NCAPG2: variants seen among roughly 807,000 people sequenced by gnomAD.
The protein encoded by NCAPG2 is condensin-2 complex subunit G2.
In NCAPG2, 53 loss-of-function variants were observed where a neutral mutation model predicts 141.1. The observed-to-expected ratio is 0.38, with a 90% CI of 0.30 to 0.47. The LOEUF (loss-of-function observed/expected upper bound fraction) is 0.47, where lower values mean the gene tolerates loss of function less well. Among genes scored for constraint, NCAPG2 ranks in the 20% least tolerant of loss-of-function variants. The pLI is 0.99. For synonymous variants in NCAPG2, 499 were observed against 490.7 expected (o/e 1.02, Z -0.22); for missense variants, 1,087 against 1,389.0 (o/e 0.78, Z 3.46).
At position 158,697,557 on chromosome 7, in the gene NCAPG2, C is replaced by T. The variant is rs553563400; in HGVS notation, c.79-4060G>A. ...CGGAGGTTGCAGTGAGCCAAGACGA[C>T]GCCACTGCACTCCAGCCTGAGCAAC... On this transcript the variant is annotated intron_variant, in intron 2 of 27. Coordinates refer to ENST00000356309, the MANE Select transcript of NCAPG2 (RefSeq NM_017760.7). Among the ~76,000 whole-genome samples the T allele has an allele frequency of 5.3e-5, 8 of 150,472 alleles. No homozygotes were observed. In the East Asian group the frequency reaches 1.2e-3, roughly 22 times the overall value.
chr7:158,666,705 T>A (rs1216240856), intron 13 of NCAPG2, among the ~76,000 whole-genome samples: 4 of 151,424 alleles, frequency 2.6e-5, no homozygotes, highest in Non-Finnish European at 5.9e-5. Context: ...GGCAGGAGGA[T>A]CGCTTGAGGC....
At chr7:158,649,646 C>T (rs562011318) in intron 24 of NCAPG2, among the ~76,000 whole-genome samples, 51 of 152,176 alleles carry the variant, frequency 3.4e-4, no homozygotes, top group African/African-American at 1.2e-3. Context: ...TTAAGGAAGG[C>T]CTTAAATTCT....
In NCAPG2 at chr7:158,648,434, G is replaced by C. The variant is rs148890557; in HGVS notation, c.3076-1871C>G. Among the ~76,000 whole-genome samples, 285 of 150,100 alleles carry C rather than the reference G, an allele frequency of 1.9e-3. 1 individual carries two copies. Among genetic ancestry groups the C allele is most frequent in the Non-Finnish European group, 3.2e-3 (214 of 67,324 alleles). ...GACTAACAGAACAGACAGACTGATA[G>C]AAAAGAAACAACATTAACTTAAACC... On this transcript the variant is annotated intron_variant, in intron 24 of 27. Coordinates refer to ENST00000356309, the MANE Select transcript of NCAPG2 (RefSeq NM_017760.7).
intron 7 of NCAPG2, among the ~76,000 whole-genome samples, chr7:158,686,460 T>C (rs1834762215): frequency 6.6e-6 from 1 of 152,200 alleles, no homozygotes; most frequent in Admixed American, 6.5e-5. Flanking sequence ...ATTTCATCCT[T>C]CTCAGTCAAG....
At chr7:158,667,379 C>G (rs1425604784) in intron 13 of NCAPG2, 2 of 146,700 alleles carry the variant, frequency 1.4e-5, no homozygotes, top group Non-Finnish European at 1.8e-5. Context: ...TCCGCCCCCC[C>G]TTACCCACTA....
At chr7:158,691,624 T>C (rs1317369559) in intron 4 of NCAPG2, among the ~76,000 whole-genome samples, 3 of 152,238 alleles carry the variant, frequency 2.0e-5, no homozygotes, top group Non-Finnish European at 4.4e-5. Context: ...ATTAAGATAT[T>C]TTTACATCTT....
At chr7:158,701,660 G>C (rs564480296) in intron 2 of NCAPG2, among the ~76,000 whole-genome samples, 162 bp downstream of exon 2, 1 of 152,308 alleles carries the variant, frequency 6.6e-6, no homozygotes, top group South Asian at 2.1e-4. Context: ...CCCACCAGCA[G>C]GTAGATTTGA....
At chr7:158,690,535 C>T in intron 5 of NCAPG2, 33 bp downstream of exon 5, 2 of 1,595,954 alleles carry the variant, frequency 1.3e-6, no homozygotes, top group East Asian at 2.2e-5. Flanking sequence ...TAGAGAGAGA[C>T]CCTGTCTTTA....
At chr7:158,650,798 G>A (rs770697766) in intron 24 of NCAPG2, 34 bp downstream of exon 24, 59 of 1,581,458 alleles carry the variant, frequency 3.7e-5, no homozygotes, top group Non-Finnish European at 9.4e-6. Context: ...TCATCAATAA[G>A]AGGCACAGCA....
intron 2 of NCAPG2, among the ~76,000 whole-genome samples, chr7:158,698,787 AT>A (rs5888768): frequency 3.1e-3 from 446 of 143,000 alleles, no homozygotes; most frequent in Non-Finnish European, 2.8e-3. Flanking sequence ...TAGTAGTAGT[AT>A]TTTTTTTTTT....
chr7:158,700,895 C>A (rs1254308269), intron 2 of NCAPG2, among the ~76,000 whole-genome samples: 3 of 152,158 alleles, frequency 2.0e-5, no homozygotes, highest in Non-Finnish European at 1.5e-5. Flanking sequence ...TGTCCTAGGC[C>A]CTTTTATCTG....
At chr7:158,675,061 G>T (rs574807934) in intron 12 of NCAPG2, among the ~76,000 whole-genome samples, 89 of 152,326 alleles carry the variant, frequency 5.8e-4, no homozygotes, top group Non-Finnish European at 1.5e-5. Context: ...AGTTCAGGTT[G>T]CTTAGAAAAT....
At chr7:158,680,233 C>G in intron 10 of NCAPG2, 148 bp from the exon 11 acceptor site, 1 of 954,324 alleles carries the variant, frequency 1.0e-6, no homozygotes, top group Non-Finnish European at 1.5e-6. Flanking sequence ...ATTGACCAAA[C>G]ATTGCTCAGT....
chr7:158,694,701 A>C (rs1189527891), intron 2 of NCAPG2, among the ~76,000 whole-genome samples: 1 of 152,182 alleles, frequency 6.6e-6, no homozygotes, highest in Non-Finnish European at 1.5e-5. Context: ...AACTAGAGTA[A>C]AGATAACCTC....
At chr7:158,674,608 C>T (rs1833943279) in intron 12 of NCAPG2, among the ~76,000 whole-genome samples, 1 of 152,214 alleles carries the variant, frequency 6.6e-6, no homozygotes, top group Non-Finnish European at 1.5e-5. Context: ...TTTTCCAATA[C>T]AGAAAATAAG....
intron 4 of NCAPG2, 43 bp from the exon 5 acceptor site, chr7:158,690,765 C>T (rs1835065122): frequency 6.4e-7 from 1 of 1,564,350 alleles, no homozygotes; most frequent in Non-Finnish European, 8.8e-7. Flanking sequence ...AAGGCAAATT[C>T]TTATTACTTC....
intron 4 of NCAPG2, 92 bp from the exon 5 acceptor site, chr7:158,690,814 T>A: frequency 8.4e-7 from 1 of 1,187,096 alleles, no homozygotes; most frequent in Non-Finnish European, 1.2e-6. Flanking sequence ...TTATATATTA[T>A]TTAAAGCTTT....
intron 15 of NCAPG2, 59 bp downstream of exon 15, chr7:158,664,125 G>T: frequency 8.0e-7 from 1 of 1,244,104 alleles, no homozygotes; most frequent in Non-Finnish European, 1.2e-6. Context: ...TAACATAATG[G>T]CCCATGGGAG....
intron 2 of NCAPG2, 68 bp downstream of exon 2, chr7:158,701,754 T>G (rs947741623): frequency 1.5e-6 from 2 of 1,354,968 alleles, no homozygotes; most frequent in African/African-American, 2.9e-5. Context: ...TTTGGGGACA[T>G]AATGACTTTA....
Sources: gnomAD v4.1 joint callset for allele counts (sites outside exome capture counted in the v4.1 genomes callset) on GRCh38, gnomAD v4.1.1 for gene constraint, MANE v1.5 for transcripts, NCBI Gene and HGNC (gene_info 2026-07-23, HGNC 2026-07-21) for gene names.